The following CA5A variants were observed in gnomAD, a reference collection of about 807,000 sequenced individuals.
CA5A encodes carbonic anhydrase 5A, mitochondrial.
A neutral mutation model predicts 37.1 loss-of-function variants in CA5A; 28 were observed. The ratio of observed to expected loss-of-function variants is 0.75; its 90% CI spans 0.56 to 1.03. The LOEUF (loss-of-function observed/expected upper bound fraction) is 1.03. CA5A is among the 50% of genes least tolerant of loss of function. CA5A has a pLI of 0.00. For synonymous variants in CA5A, 171 were observed against 158.4 expected, an observed-to-expected ratio of 1.08 and a Z score of -0.60; for missense variants, 444 against 399.9, an observed-to-expected ratio of 1.11 and a Z score of -0.94.
chr16:87,901,997 G>A (rs2055885400), intron 4 of CA5A, 23 bp from the exon 5 acceptor site: 1 of 1,610,334 alleles, frequency 6.2e-7, no homozygotes, highest in Non-Finnish European at 8.5e-7. Context: ...CAAAGGAGGG[G>A]TTAGCTGCAA....
chr16:87,906,169 A>C (rs2055958059), intron 2 of CA5A, among the ~76,000 whole-genome samples: 1 of 152,146 alleles, frequency 6.6e-6, no homozygotes, highest in Admixed American at 6.6e-5. Context: ...AGGCGCCAGC[A>C]GAACTGGAGC....
intron 2 of CA5A, among the ~76,000 whole-genome samples, chr16:87,919,032 C>T (rs1454955804): frequency 6.6e-6 from 1 of 152,224 alleles, no homozygotes; most frequent in East Asian, 1.9e-4. Flanking sequence ...TGACCCAGCT[C>T]ATTTCCATGG....
exon 5 of CA5A, chr16:87,881,920 TG>T (rs376673954): frequency 1.3e-5 from 2 of 152,306 alleles, no homozygotes; most frequent in Non-Finnish European, 2.9e-5. Flanking sequence ...ACAAAGATGT[TG>T]GTGGGTGCAG....
At chr16:87,915,006 G>A (rs1308738694) in intron 2 of CA5A, among the ~76,000 whole-genome samples, 2 of 152,242 alleles carry the variant, frequency 1.3e-5, no homozygotes, top group African/African-American at 4.8e-5. Context: ...GAGCGATGGG[G>A]CCAGCATGGC....
chr16:87,912,826 C>T (rs2056071748), intron 2 of CA5A, among the ~76,000 whole-genome samples: 1 of 152,150 alleles, frequency 6.6e-6, no homozygotes, highest in Non-Finnish European at 1.5e-5. Context: ...GGACGACCAG[C>T]GGAAAGGACC....
intron 5 of CA5A, among the ~76,000 whole-genome samples, chr16:87,897,632 G>A (rs1444735852): frequency 1.3e-5 from 2 of 152,234 alleles, no homozygotes; most frequent in Non-Finnish European, 2.9e-5. Flanking sequence ...AGCAGGGGCT[G>A]GAGCTCAGCC....
chr16:87,893,277 G>A (rs752331840), intron 5 of CA5A, among the ~76,000 whole-genome samples: 3 of 151,640 alleles, frequency 2.0e-5, no homozygotes, highest in Non-Finnish European at 2.9e-5. Flanking sequence ...ACATCTTCAC[G>A]CCATCGCGAC....
chr16:87,913,325 A>G (rs1456986795), intron 2 of CA5A, among the ~76,000 whole-genome samples: 2 of 105,172 alleles, frequency 1.9e-5, no homozygotes, highest in Non-Finnish European at 3.4e-5. Context: ...TTTTTGAGTC[A>G]GGGGTCTCAT....
At chr16:87,934,156 G>C (rs112452371) in intron 1 of CA5A, among the ~76,000 whole-genome samples, 2,434 of 152,366 alleles carry the variant, frequency 0.016, 77 homozygotes, top group African/African-American at 0.056. Context: ...GCCATGTGCT[G>C]TCCCCAGCCT....
downstream of CA5A, chr16:87,888,001 C>T (rs61607056): frequency 0.29 from 403,428 of 1,384,460 alleles, 62,234 homozygotes; most frequent in African/African-American, 0.53. Context: ...AAAAGTACTT[C>T]GACTAAAACA....
chr16:87,931,365 GC>G (rs2056402364), intron 1 of CA5A, among the ~76,000 whole-genome samples: 1 of 152,120 alleles, frequency 6.6e-6, no homozygotes, highest in Non-Finnish European at 1.5e-5. Context: ...ACCTGCCTCG[GC>G]CTCCCAAAGT....
chr16:87,901,279 T>C (rs552016631), intron 5 of CA5A, among the ~76,000 whole-genome samples: 4 of 152,320 alleles, frequency 2.6e-5, no homozygotes, highest in South Asian at 4.1e-4. Flanking sequence ...AGTTGTCCCA[T>C]TGGCAGGCAG....
In CA5A at chr16:87,901,955, G is replaced by T. The variant is rs145215237; in HGVS notation, c.575C>A (p.Thr192Lys). ...VFLKLGAHHQTLQRLVDILPE... is the reference protein window; with the variant it reads ...VFLKLGAHHQKLQRLVDILPE... ...CAAGATGTCCACCAGCCTCTGCAGC[G>T]TCTGATGATGGGCCCCGAGCTGCAT... The change falls in exon 5 of 7, where the codon ACG becomes AAG. Residue 192 changes from threonine (T) to lysine (K), a missense_variant. By Grantham distance (78) the Thr-to-Lys change is moderately conservative (BLOSUM62 -1). Coordinates refer to ENST00000649794, the MANE Select transcript of CA5A (RefSeq NM_001739.2). 1 of 1,613,698 alleles carries T rather than the reference G, an allele frequency of 6.2e-7. No homozygotes were observed.
intron 2 of CA5A, among the ~76,000 whole-genome samples, chr16:87,920,678 C>T (rs1384637265): frequency 3.3e-5 from 5 of 151,916 alleles, no homozygotes; most frequent in Non-Finnish European, 7.4e-5. Context: ...AGTGCAGTGG[C>T]GTGATCTCGA....
intron 5 of CA5A, among the ~76,000 whole-genome samples, chr16:87,892,554 AT>A (rs1456331237): frequency 6.1e-5 from 8 of 131,450 alleles, no homozygotes; most frequent in Admixed American, 2.2e-4. Context: ...AATAATAATA[AT>A]AAATTAATTA....
At chr16:87,889,438 A>G (rs2055682313) in intron 6 of CA5A, among the ~76,000 whole-genome samples, 1 of 152,218 alleles carries the variant, frequency 6.6e-6, no homozygotes, top group South Asian at 2.1e-4. Flanking sequence ...TGTAAATGCT[A>G]AAGTAACATT....
chr16:87,930,810 A>G (rs113149097), intron 1 of CA5A, among the ~76,000 whole-genome samples: 14,724 of 149,970 alleles, frequency 0.098, 1,049 homozygotes, highest in African/African-American at 0.18. Flanking sequence ...ACGCGATCTC[A>G]GCTCACTGCA....
Position 87,904,913 on chromosome 16 carries a change from A to G in CA5A, c.341-9T>C, listed in dbSNP as rs2055937583. On this transcript the variant is annotated splice_polypyrimidine_tract_variant and intron_variant, in intron 2 of 6. Coordinates refer to ENST00000649794, the MANE Select transcript of CA5A (RefSeq NM_001739.2). ...GGGCCCACCACTAATTCCTGGAAAT[A>G]AAGGCAGTGAGACGTGTGTGTCATT... 1.3e-6 allele frequency: 2 copies of G among 1,553,268 alleles called. No individual in the cohort carries two copies.
chr16:87,922,796 A>T lies in CA5A; in HGVS notation c.340+3952T>A, dbSNP rs1158146711. On this transcript the variant is annotated intron_variant, in intron 2 of 6. Coordinates refer to ENST00000649794, the MANE Select transcript of CA5A (RefSeq NM_001739.2). ...TGATGGCCTCCTGCTGGATTTTGTG[A>T]ATGTTGGATGCAGATTCTTTCTCTA... is the stretch of plus-strand genomic sequence containing the variant. Among the ~76,000 whole-genome samples, 9 of 152,126 alleles carry T rather than the reference A, an allele frequency of 5.9e-5. No individual in the cohort carries two copies. In the East Asian group the frequency reaches 1.7e-3, roughly 29 times the overall value.
Sources: gnomAD v4.1 joint callset for allele counts (sites outside exome capture counted in the v4.1 genomes callset) on GRCh38, gnomAD v4.1.1 for gene constraint, MANE v1.5 for transcripts, NCBI Gene and HGNC (gene_info 2026-07-23, HGNC 2026-07-21) for gene names.